The following SNRPA1 variants were observed in gnomAD, a reference collection of about 807,000 sequenced individuals.
The protein encoded by SNRPA1 is U2 small nuclear ribonucleoprotein A'.
SNRPA1 carries 5 observed loss-of-function variants against 32.3 expected under a neutral mutation model. That is an observed-to-expected ratio of 0.15 (90% CI 0.08 to 0.33). The LOEUF is 0.33. Among genes scored for constraint, SNRPA1 ranks in the 10% least tolerant of loss-of-function variants. SNRPA1 has a pLI of 1.00. For missense variants in SNRPA1, 198 were observed against 311.1 expected, an observed-to-expected ratio of 0.64 and a Z score of 2.74; for synonymous variants, 111 against 120.1, an observed-to-expected ratio of 0.92 and a Z score of 0.50.
chr15:101,294,565 A>G (rs1401440975), intron 1 of SNRPA1, among the ~76,000 whole-genome samples: 3 of 152,196 alleles, frequency 2.0e-5, no homozygotes, highest in Non-Finnish European at 4.4e-5. Flanking sequence ...CAATTTTTAA[A>G]ACGTCTTCAT....
intron 3 of SNRPA1, among the ~76,000 whole-genome samples, chr15:101,288,864 C>T (rs890138827): frequency 6.6e-6 from 1 of 152,188 alleles, no homozygotes. Context: ...GTGATAAGGG[C>T]TGCAGGGGCA....
intron 3 of SNRPA1, among the ~76,000 whole-genome samples, chr15:101,288,876 G>T (rs1445339604): frequency 6.6e-6 from 1 of 152,192 alleles, no homozygotes; most frequent in Non-Finnish European, 1.5e-5. Context: ...GCAGGGGCAA[G>T]AGCAATTTGG....
rs141391407 is a variant in SNRPA1, at chr15:101,281,760, T to A, written c.732A>T (p.Glu244Asp). The change falls in exon 9 of 9, where the codon GAA (glutamate) becomes GAT (aspartate). Residue 244 changes from glutamate (E) to aspartate (D), a missense_variant. By Grantham distance (45) the Glu-to-Asp change is conservative. Transcript: ENST00000254193. ...TTGTGACTGTGTCTTCTTCCATCTC[T>A]TCTTCACCATCATCAGTGGGCCCTA... ...RRSGPTDDGE[E>D]EMEEDTVTNG... 64 of 1,614,154 alleles carry A rather than the reference T, an allele frequency of 4.0e-5. No individual in the cohort carries two copies. Among genetic ancestry groups the A allele is most frequent in the Non-Finnish European group, 5.3e-5 (62 of 1,179,950 alleles).
intron 8 of SNRPA1, among the ~76,000 whole-genome samples, chr15:101,284,229 G>A (rs2039429319): frequency 6.6e-6 from 1 of 152,198 alleles, no homozygotes; most frequent in South Asian, 2.1e-4. Context: ...TTTGAGGTTT[G>A]CTACTATTGT....
intron 5 of SNRPA1, chr15:101,286,672 C>T: frequency 4.0e-6 from 2 of 494,848 alleles, no homozygotes; most frequent in East Asian, 7.1e-5. Context: ...CTCACCGTGG[C>T]CTCAGCACTT....
chr15:101,285,654 G>A, intron 7 of SNRPA1, 72 bp downstream of exon 7: 1 of 1,012,996 alleles, frequency 9.9e-7, no homozygotes, highest in South Asian at 1.3e-5. Context: ...TTCGGAACAT[G>A]TTTATTATCC....
chr15:101,286,709 C>T, intron 5 of SNRPA1, 199 bp downstream of exon 5: 2 of 527,242 alleles, frequency 3.8e-6, no homozygotes, highest in Non-Finnish European at 3.4e-6. Flanking sequence ...GCCAGCATTA[C>T]ATAAGAGAGC....
intron 8 of SNRPA1, among the ~76,000 whole-genome samples, chr15:101,282,365 T>C (rs1359966141): frequency 1.3e-5 from 2 of 152,254 alleles, no homozygotes; most frequent in Admixed American, 1.3e-4. Flanking sequence ...GCTGAATTAT[T>C]GTATTGGTTT....
At chr15:101,291,757 G>A (rs2039528874) in intron 3 of SNRPA1, among the ~76,000 whole-genome samples, 1 of 152,136 alleles carries the variant, frequency 6.6e-6, no homozygotes, top group African/African-American at 2.4e-5. Flanking sequence ...TCTCTAACAA[G>A]ACATCCTAAG....
chr15:101,293,218 AC>A (rs771734307), intron 1 of SNRPA1, 46 bp from the exon 2 acceptor site: 1 of 1,362,352 alleles, frequency 7.3e-7, no homozygotes, highest in South Asian at 1.3e-5. Flanking sequence ...ATATAACTAA[AC>A]AGTTGCCCCT....
chr15:101,286,978 T>A lies in SNRPA1; in HGVS notation c.389A>T (p.His130Leu). 6.2e-7 allele frequency: 1 copy of A among 1,606,044 alleles called. No individual in the cohort carries two copies. Among genetic ancestry groups the A allele is most frequent in the Non-Finnish European group, 8.5e-7 (1 of 1,173,522 alleles). ...ILRNPVTNKK[H>L]YRLYVIYKVP... is the part of the protein sequence containing the mutation. ...TTTATAAATCACATACAATCTGTAA[T>A]GCTTCTTATTGGTTACCGGATTTCT... The change falls in exon 5 of 9, where the codon CAT (histidine) becomes CTT (leucine). Residue 130 changes from histidine (H) to leucine (L), a missense_variant. Around this residue, in one of 3 missense-constraint regions of SNRPA1, gnomAD observed 119 missense variants for 171.6 expected, o/e 0.69. Transcript: ENST00000254193.
chr15:101,294,882 G>C (rs1304976381), intron 1 of SNRPA1: 2 of 431,494 alleles, frequency 4.6e-6, no homozygotes, highest in Non-Finnish European at 8.3e-6. Context: ...CCTGTCAAGA[G>C]GCACGGCGCT....
rs61273059 is a variant in SNRPA1, at chr15:101,291,519, CT to C, written c.309+442del. On this transcript the variant is annotated intron_variant, in intron 3 of 8. Coordinates refer to ENST00000254193, the MANE Select transcript of SNRPA1 (RefSeq NM_003090.4). Reference sequence around the variant, plus strand: ...ATAAAAAAATTACTGAGATAGTTTACTTTTTTTTTTTTTTGCACTTAAGTCT... The same window carrying C: ...ATAAAAAAATTACTGAGATAGTTTACTTTTTTTTTTTTTGCACTTAAGTCT... 3.1e-3 allele frequency among the ~76,000 whole-genome samples: 453 copies of C among 145,702 alleles called. 2 individuals are homozygous for C. The highest frequency in any genetic ancestry group is 5.0e-3 in the African/African-American group (200 of 40,118).
chr15:101,281,810 G>C (rs2039398365), intron 8 of SNRPA1, 28 bp from the exon 9 acceptor site: 1 of 1,609,576 alleles, frequency 6.2e-7, no homozygotes. Flanking sequence ...AGCAAAAGTA[G>C]TATCAATTTT....
intron 8 of SNRPA1, 82 bp downstream of exon 8, chr15:101,284,885 A>C (rs992008974): frequency 6.0e-6 from 6 of 1,006,770 alleles, no homozygotes; most frequent in Non-Finnish European, 7.9e-6. Flanking sequence ...CTGGCATTCC[A>C]GAGTCATGGC....
rs1036347660 is a variant in SNRPA1, at chr15:101,292,484, A to G, written c.231-444T>C. The stretch of plus-strand genomic sequence containing the variant: ...CCCAGTACCTTTAAAGACATTATCT[A>G]TACACCAAGTGCTTTTTTTCCAATA... On this transcript the variant is annotated intron_variant, in intron 2 of 8. Coordinates refer to ENST00000254193, the MANE Select transcript of SNRPA1 (RefSeq NM_003090.4). Among the ~76,000 whole-genome samples, 13 of 152,292 alleles carry G rather than the reference A, an allele frequency of 8.5e-5. No homozygotes were observed. In the Middle Eastern group the frequency reaches 0.01, roughly 120 times the overall value.
intron 5 of SNRPA1, chr15:101,286,508 C>A (rs1460711663): frequency 7.9e-6 from 4 of 503,238 alleles, no homozygotes; most frequent in Non-Finnish European, 1.4e-5. Flanking sequence ...AGGAGGGGAT[C>A]CCAGGGAACT....
At chr15:101,288,414 T>C (rs561721556) in intron 3 of SNRPA1, 1 of 151,944 alleles carries the variant, frequency 6.6e-6, no homozygotes, top group South Asian at 2.1e-4. Context: ...GCCCGGCTAA[T>C]TTTTTTTGCA....
intron 3 of SNRPA1, among the ~76,000 whole-genome samples, chr15:101,289,297 C>G (rs2898864): frequency 0.11 from 16,636 of 152,172 alleles, 2,567 homozygotes; most frequent in African/African-American, 0.34. Context: ...TATTGTTTAG[C>G]AGGGTAAAGG....
Sources: gnomAD v4.1 joint callset for allele counts (sites outside exome capture counted in the v4.1 genomes callset) on GRCh38, gnomAD v4.1.1 for gene constraint, gnomAD v4.1.1 regional missense constraint, MANE v1.5 for transcripts, NCBI Gene and HGNC (gene_info 2026-07-23, HGNC 2026-07-21) for gene names.